EDIL3: variants seen among roughly 807,000 people sequenced by gnomAD.
The protein encoded by EDIL3 is EGF like and discoidin domains 3, also known as EGF-like repeat and discoidin I-like domain-containing protein 3.
Under a neutral mutation model 67.4 loss-of-function variants are expected in EDIL3, and 37 were observed. That is an observed-to-expected ratio of 0.55 (90% CI 0.42 to 0.72). The LOEUF (loss-of-function observed/expected upper bound fraction) is 0.72, where lower values mean the gene tolerates loss of function less well. Ranked by LOEUF, EDIL3 falls within the 30% of genes least tolerant of loss-of-function variation. The probability of loss-of-function intolerance (pLI) is 0.00; values close to 1 mark genes in which losing one functional copy is unlikely to be tolerated. For synonymous variants in EDIL3, 195 were observed against 196.3 expected (o/e 0.99, Z 0.05); for missense variants, 527 against 586.3 (o/e 0.90, Z 1.04).
intron 1 of EDIL3, among the ~76,000 whole-genome samples, chr5:84,304,217 G>A (rs1280952537): frequency 6.6e-6 from 1 of 152,142 alleles, no homozygotes; most frequent in Non-Finnish European, 1.5e-5. Context: ...TTTCCTAGGT[G>A]AAAGCTGAAC....
intron 1 of EDIL3, among the ~76,000 whole-genome samples, chr5:84,285,832 T>C (rs1037542546): frequency 6.6e-5 from 10 of 152,340 alleles, no homozygotes; most frequent in Admixed American, 3.3e-4. Flanking sequence ...GAAAGTGTCA[T>C]GGTGACTATT....
At chr5:84,034,034 C>G (rs1280306229) in intron 9 of EDIL3, among the ~76,000 whole-genome samples, 1 of 152,098 alleles carries the variant, frequency 6.6e-6, no homozygotes, top group Non-Finnish European at 1.5e-5. Flanking sequence ...AACTGGTGGA[C>G]ATAATATCTG....
intron 9 of EDIL3, among the ~76,000 whole-genome samples, chr5:83,970,684 T>TATATATATATATATATA (rs1491469489): frequency 5.3e-5 from 7 of 131,486 alleles, no homozygotes; most frequent in African/African-American, 1.4e-4. Flanking sequence ...TATATATATA[T>TATATATATATATATATA]TTAAGAACAT....
intron 1 of EDIL3, among the ~76,000 whole-genome samples, chr5:84,256,436 T>A (rs6878022): frequency 6.6e-6 from 1 of 152,042 alleles, no homozygotes; most frequent in African/African-American, 2.4e-5. Context: ...GGAGACTCAG[T>A]GCTATCAGGT....
chr5:84,098,079 G>A (rs1747296579), intron 6 of EDIL3, among the ~76,000 whole-genome samples: 1 of 145,484 alleles, frequency 6.9e-6, no homozygotes, highest in African/African-American at 2.5e-5. Context: ...AAGAAATAAA[G>A]CTCCAAAAAA....
chr5:84,031,833 CT>C (rs1191916131), intron 9 of EDIL3, among the ~76,000 whole-genome samples: 6 of 152,094 alleles, frequency 3.9e-5, no homozygotes, highest in Non-Finnish European at 8.8e-5. Context: ...GACACAAAAG[CT>C]TTTTTAATAA....
chr5:83,953,449 T>C (rs1744454045), intron 10 of EDIL3, among the ~76,000 whole-genome samples: 1 of 151,890 alleles, frequency 6.6e-6, no homozygotes, highest in East Asian at 2.0e-4. Context: ...TTGCTATTAC[T>C]TATGGCTATT....
chr5:84,001,494 A>G (rs1231830607), intron 9 of EDIL3, among the ~76,000 whole-genome samples: 4 of 152,110 alleles, frequency 2.6e-5, no homozygotes, highest in Non-Finnish European at 5.9e-5. Flanking sequence ...AATCAATGAA[A>G]CAAAAAGCTG....
At chr5:84,163,521 T>G (rs1470106818) in intron 4 of EDIL3, among the ~76,000 whole-genome samples, 1 of 152,094 alleles carries the variant, frequency 6.6e-6, no homozygotes, top group Non-Finnish European at 1.5e-5. Context: ...AATGCAAAAA[T>G]ACACTAAATA....
chr5:84,184,764 T>G (rs1277585271), intron 3 of EDIL3, among the ~76,000 whole-genome samples: 3 of 152,202 alleles, frequency 2.0e-5, no homozygotes, highest in Non-Finnish European at 4.4e-5. Flanking sequence ...AGGTGAAGCC[T>G]GTCCAGCAAT....
At chr5:84,020,547 A>G (rs3776916) in intron 9 of EDIL3, among the ~76,000 whole-genome samples, 27,730 of 151,870 alleles carry the variant, frequency 0.18, 2,970 homozygotes, top group South Asian at 0.25. Flanking sequence ...TCAGGGGAAT[A>G]ATTTTTACTA....
chr5:84,229,397 C>T lies in EDIL3; in HGVS notation c.226+458G>A. On this transcript the variant is annotated intron_variant, in intron 3 of 10. Transcript: ENST00000296591. ...AAATGAGTGAGGCAGACACAGTACC[C>T]TTAAGCCTAGTGAATATGATGTTTG... 1.3e-5 allele frequency among the ~76,000 whole-genome samples: 2 copies of T among 152,076 alleles called. 1 individual carries two copies. The highest frequency in any genetic ancestry group is 4.8e-5 in the African/African-American group (2 of 41,398).
chr5:84,380,173 C>T (rs1748045392), intron 1 of EDIL3, among the ~76,000 whole-genome samples: 1 of 151,666 alleles, frequency 6.6e-6, no homozygotes, highest in Non-Finnish European at 1.5e-5. Flanking sequence ...ATTAAGCAAA[C>T]AACATTATAA....
chr5:84,373,014 T>C (rs1180451984), intron 1 of EDIL3, among the ~76,000 whole-genome samples: 1 of 152,244 alleles, frequency 6.6e-6, no homozygotes, highest in East Asian at 1.9e-4. Context: ...TTTCCTCATA[T>C]AACTTCTGGG....
At chr5:84,252,998 T>TA (rs938263867) in intron 2 of EDIL3, among the ~76,000 whole-genome samples, 1 of 152,122 alleles carries the variant, frequency 6.6e-6, no homozygotes, top group East Asian at 1.9e-4. Flanking sequence ...GAAAATTCAT[T>TA]AAAAAAATAA....
intron 1 of EDIL3, among the ~76,000 whole-genome samples, chr5:84,361,366 G>A (rs1747594746): frequency 6.6e-6 from 1 of 151,742 alleles, no homozygotes; most frequent in Admixed American, 6.6e-5. Flanking sequence ...CTGTGAAACT[G>A]ACTATTCAAT....
At chr5:84,236,226 A>G (rs754638276) in intron 2 of EDIL3, among the ~76,000 whole-genome samples, 9 of 152,106 alleles carry the variant, frequency 5.9e-5, no homozygotes, top group Admixed American at 2.0e-4. Context: ...GTATTTTATA[A>G]AAGTAAGCCA....
At chr5:84,289,014 A>G (rs1210797817) in intron 1 of EDIL3, among the ~76,000 whole-genome samples, 1 of 152,176 alleles carries the variant, frequency 6.6e-6, no homozygotes, top group Non-Finnish European at 1.5e-5. Context: ...ACGCAGCTCA[A>G]AGCTTGGGGA....
intron 1 of EDIL3, among the ~76,000 whole-genome samples, chr5:84,292,559 T>C (rs1745944807): frequency 6.6e-6 from 1 of 152,206 alleles, no homozygotes; most frequent in Non-Finnish European, 1.5e-5. Context: ...AGAAGAGATA[T>C]TATGAGTGTT....
Sources: allele counts gnomAD v4.1 joint callset (sites outside exome capture counted in the v4.1 genomes callset), GRCh38; gene constraint gnomAD v4.1.1; transcripts MANE v1.5; gene names NCBI Gene and HGNC (gene_info 2026-07-23, HGNC 2026-07-21).